DCC: variants seen among roughly 807,000 people sequenced by gnomAD.
DCC encodes netrin receptor DCC.
Under a neutral mutation model 172.5 loss-of-function variants are expected in DCC, and 58 were observed. The ratio of observed to expected loss-of-function variants is 0.34; its 90% CI spans 0.27 to 0.42. The LOEUF is 0.42. DCC is among the 10% of genes least tolerant of loss of function. DCC has a pLI of 1.00. For synonymous variants in DCC, 709 were observed against 644.5 expected, an observed-to-expected ratio of 1.10 and a Z score of -1.52; for missense variants, 1,740 against 1,791.0, an observed-to-expected ratio of 0.97 and a Z score of 0.51.
intron 1 of DCC, among the ~76,000 whole-genome samples, chr18:52,670,344 A>G (rs1167050744): frequency 6.6e-6 from 1 of 152,218 alleles, no homozygotes; most frequent in African/African-American, 2.4e-5. Flanking sequence ...ACCCCTGGAA[A>G]TGAAGATGGA....
chr18:52,833,261 T>C (rs2038648685), intron 2 of DCC, among the ~76,000 whole-genome samples: 1 of 152,130 alleles, frequency 6.6e-6, no homozygotes, highest in South Asian at 2.1e-4. Flanking sequence ...TGCTAACCCA[T>C]GGTTCTCAAA....
intron 1 of DCC, among the ~76,000 whole-genome samples, chr18:52,560,330 C>T (rs1382438067): frequency 6.6e-6 from 1 of 152,204 alleles, no homozygotes; most frequent in Non-Finnish European, 1.5e-5. Context: ...TTCTGTGTAT[C>T]ATGAAACATT....
chr18:53,202,051 T>C (rs1355120077), intron 9 of DCC, among the ~76,000 whole-genome samples: 1 of 152,198 alleles, frequency 6.6e-6, no homozygotes, highest in Non-Finnish European at 1.5e-5. Context: ...TATGTATGCA[T>C]GCACACATGT....
intron 7 of DCC, among the ~76,000 whole-genome samples, chr18:53,151,775 A>G (rs2054645186): frequency 6.6e-6 from 1 of 152,154 alleles, no homozygotes; most frequent in Non-Finnish European, 1.5e-5. Flanking sequence ...TTCTTAATCT[A>G]CTACCACAAA....
At chr18:52,480,759 C>T (rs2029926496) in intron 1 of DCC, among the ~76,000 whole-genome samples, 1 of 152,118 alleles carries the variant, frequency 6.6e-6, no homozygotes, top group African/African-American at 2.4e-5. Flanking sequence ...GTTTTTGAAG[C>T]TGCAATAATT....
At chr18:53,466,802 A>G (rs541359968) in intron 24 of DCC, among the ~76,000 whole-genome samples, 204 of 152,320 alleles carry the variant, frequency 1.3e-3, no homozygotes, top group African/African-American at 4.7e-3. Context: ...CTGGGATTAC[A>G]GGCGTGAGCC....
chr18:53,100,698 G>A (rs901616144), intron 7 of DCC, among the ~76,000 whole-genome samples: 3 of 152,108 alleles, frequency 2.0e-5, no homozygotes, highest in Admixed American at 6.6e-5. Context: ...AGCTACCTGT[G>A]TAGCAGAGGT....
At chr18:52,437,554 T>C (rs762805625) in intron 1 of DCC, among the ~76,000 whole-genome samples, 16 of 152,158 alleles carry the variant, frequency 1.1e-4, no homozygotes, top group Non-Finnish European at 1.2e-4. Flanking sequence ...CTCTGGATGG[T>C]TAAAGATAGG....
chr18:53,392,649 T>A (rs1908631550), intron 17 of DCC, among the ~76,000 whole-genome samples: 1 of 152,182 alleles, frequency 6.6e-6, no homozygotes, highest in African/African-American at 2.4e-5. Flanking sequence ...ATATAGACAA[T>A]ATACAAATGT....
intron 7 of DCC, among the ~76,000 whole-genome samples, chr18:53,142,754 T>G (rs986143036): frequency 6.6e-6 from 1 of 152,234 alleles, no homozygotes; most frequent in Non-Finnish European, 1.5e-5. Context: ...TATATTACTG[T>G]GAACTACAGT....
At chr18:52,868,670 G>A (rs2039268028) in intron 2 of DCC, among the ~76,000 whole-genome samples, 1 of 152,168 alleles carries the variant, frequency 6.6e-6, no homozygotes, top group African/African-American at 2.4e-5. Context: ...TGTGGCCGGT[G>A]GCACTTTTGC....
intron 1 of DCC, among the ~76,000 whole-genome samples, chr18:52,359,226 C>T (rs890884823): frequency 6.6e-6 from 1 of 152,106 alleles, no homozygotes; most frequent in African/African-American, 2.4e-5. Flanking sequence ...ACACCATAGG[C>T]TGTTTCATTG....
intron 5 of DCC, among the ~76,000 whole-genome samples, chr18:52,964,540 T>A (rs1485878826): frequency 1.3e-5 from 2 of 152,104 alleles, no homozygotes; most frequent in Non-Finnish European, 2.9e-5. Flanking sequence ...TCGATCGTAA[T>A]TGATTTAGTA....
intron 22 of DCC, among the ~76,000 whole-genome samples, chr18:53,446,725 G>A (rs1257187344): frequency 6.6e-6 from 1 of 152,116 alleles, no homozygotes. Context: ...ATTTTGGGTT[G>A]CCCAGTGCTC....
intron 15 of DCC, among the ~76,000 whole-genome samples, chr18:53,370,403 G>A (rs1332599151): frequency 1.3e-5 from 2 of 151,604 alleles, no homozygotes; most frequent in East Asian, 1.9e-4. Context: ...CTAGCTTTGG[G>A]TTTCATTGAC....
chr18:53,124,442 G>T (rs992467002), intron 7 of DCC, among the ~76,000 whole-genome samples: 4 of 152,018 alleles, frequency 2.6e-5, no homozygotes, highest in Admixed American at 6.6e-5. Flanking sequence ...AAAATGTTTT[G>T]TTAAATCCAC....
intron 1 of DCC, among the ~76,000 whole-genome samples, chr18:52,468,149 C>G (rs548815443): frequency 6.6e-6 from 1 of 152,230 alleles, no homozygotes; most frequent in Non-Finnish European, 1.5e-5. Flanking sequence ...AAGAAAAGCT[C>G]TCTTATAGCA....
At chr18:53,124,945 G>A (rs2043534078) in intron 7 of DCC, among the ~76,000 whole-genome samples, 1 of 151,522 alleles carries the variant, frequency 6.6e-6, no homozygotes, top group African/African-American at 2.4e-5. Context: ...ACTCTAGCCT[G>A]GGCAGCAGAG....
chr18:53,313,168 C>A (rs2057302838), intron 13 of DCC, among the ~76,000 whole-genome samples: 1 of 152,010 alleles, frequency 6.6e-6, no homozygotes. Flanking sequence ...CCAAAAATTG[C>A]TTGGTGGTGG....
Sources: gnomAD v4.1 joint callset for allele counts (sites outside exome capture counted in the v4.1 genomes callset) on GRCh38, gnomAD v4.1.1 for gene constraint, MANE v1.5 for transcripts, NCBI Gene and HGNC (gene_info 2026-07-23, HGNC 2026-07-21) for gene names.